The following DOCK1 variants were observed in gnomAD, a reference collection of about 807,000 sequenced individuals.
DOCK1 encodes the protein dedicator of cytokinesis 1, also known as dedicator of cytokinesis protein 1.
DOCK1 carries 138 observed loss-of-function variants against 262.7 expected under a neutral mutation model. The ratio of observed to expected loss-of-function variants is 0.53; its 90% CI spans 0.46 to 0.61. DOCK1 has a LOEUF of 0.61. Among genes scored for constraint, DOCK1 ranks in the 20% least tolerant of loss-of-function variants. The pLI is 0.00. For synonymous variants in DOCK1, 866 were observed against 867.4 expected (o/e 1.00, Z 0.03); for missense variants, 1,908 against 2,370.7 (o/e 0.80, Z 4.05).
At chr10:127,361,701 C>G (rs971437999) in intron 32 of DOCK1, among the ~76,000 whole-genome samples, 1 of 152,168 alleles carries the variant, frequency 6.6e-6, no homozygotes, top group African/African-American at 2.4e-5. Flanking sequence ...CTGAGACCCC[C>G]GACTCGCAGC....
intron 36 of DOCK1, among the ~76,000 whole-genome samples, chr10:127,380,820 T>C (rs1025489248): frequency 2.0e-5 from 3 of 152,256 alleles, no homozygotes; most frequent in Non-Finnish European, 4.4e-5. Flanking sequence ...TTGTTTTTAC[T>C]TCTCCTTTTT....
chr10:126,948,122 GTGGT>G, intron 1 of DOCK1, among the ~76,000 whole-genome samples: 1 of 117,824 alleles, frequency 8.5e-6, no homozygotes, highest in African/African-American at 3.3e-5. Flanking sequence ...GGTGATGGTG[GTGGT>G]TGGTAGTATT....
rs1333635856 is a variant in DOCK1, at chr10:127,000,222, G to A, written c.900G>A (p.Gln300=). 5.0e-6 allele frequency: 8 copies of A among 1,613,950 alleles called. No individual in the cohort carries two copies. The highest frequency in any genetic ancestry group is 6.8e-6 in the Non-Finnish European group (8 of 1,179,912). Residue 300 remains glutamine (Q), a synonymous_variant, in exon 10 of 52, where the codon CAG becomes CAA. Transcript: ENST00000623213. The part of the protein sequence containing the change: ...LKREKISFVC[Q]IVRVGRMELR... Reference sequence around the variant, plus strand: ...GGGAGAAAATCAGTTTTGTCTGTCAGATTGTTCGCGTGGGTCGCATGGAGC... The same window carrying A: ...GGGAGAAAATCAGTTTTGTCTGTCAAATTGTTCGCGTGGGTCGCATGGAGC...
rs768874978 is a variant in DOCK1 at position 127,380,101 on chromosome 10, A to G, written c.3695A>G (p.Glu1232Gly). 1.3e-6 allele frequency: 2 copies of G among 1,521,052 alleles called. No homozygotes were observed. The highest frequency in any genetic ancestry group is 1.8e-6 in the Non-Finnish European group (2 of 1,122,434). 94.2% of individuals were successfully genotyped at this position (1,521,052 alleles called of 1,614,324 possible). A position where few individuals can be genotyped will look rare whatever the true frequency, so the allele number is the denominator to read the frequency against. ...VNVLNFYKEI[E>G]REEMYIRYLY... ...TTTCAGAATTTCTACAAAGAAATTG[A>G]AAGAGAAGAAATGTATATAAGGTAT... The change falls in exon 36 of 52, where the codon GAA becomes GGA. Residue 1232 changes from glutamate to glycine, a missense_variant. Coordinates refer to ENST00000623213, the MANE Select transcript of DOCK1 (RefSeq NM_001290223.2).
intron 1 of DOCK1, among the ~76,000 whole-genome samples, chr10:126,906,516 C>G (rs770595982): frequency 6.6e-6 from 1 of 152,180 alleles, no homozygotes; most frequent in African/African-American, 2.4e-5. Flanking sequence ...TGCTATTCCC[C>G]GTCCCACCAT....
chr10:127,326,407 A>C (rs1385124082), intron 29 of DOCK1, among the ~76,000 whole-genome samples: 2 of 152,246 alleles, frequency 1.3e-5, no homozygotes, highest in African/African-American at 4.8e-5. Context: ...AATCTTCACC[A>C]GGAGTAGATT....
chr10:127,447,009 C>G (rs1026377787), intron 50 of DOCK1, among the ~76,000 whole-genome samples: 1 of 152,114 alleles, frequency 6.6e-6, no homozygotes, highest in Admixed American at 6.5e-5. Context: ...GGCTTGGCTT[C>G]GAAAGCAGTA....
intron 43 of DOCK1, among the ~76,000 whole-genome samples, chr10:127,413,952 C>T (rs998348209): frequency 1.3e-5 from 2 of 151,522 alleles, no homozygotes; most frequent in African/African-American, 4.8e-5. Flanking sequence ...TGCTCTGTTG[C>T]CTAGGCTGAA....
intron 1 of DOCK1, among the ~76,000 whole-genome samples, chr10:126,920,047 TC>T (rs553992196): frequency 6.6e-6 from 1 of 152,002 alleles, no homozygotes; most frequent in South Asian, 2.1e-4. Flanking sequence ...GCCCTAAAAC[TC>T]CCTCCACCCC....
chr10:127,055,121 A>G (rs1046678736), intron 22 of DOCK1, among the ~76,000 whole-genome samples: 2 of 152,162 alleles, frequency 1.3e-5, no homozygotes, highest in African/African-American at 4.8e-5. Flanking sequence ...GCTGCATGTA[A>G]TAGAAAAACA....
At chr10:127,089,943 A>G (rs2047419205) in intron 23 of DOCK1, among the ~76,000 whole-genome samples, 1 of 96,744 alleles carries the variant, frequency 1.0e-5, no homozygotes, top group Admixed American at 9.7e-5. Context: ...TAAAACATTT[A>G]TTAGTTTGGA....
At chr10:127,365,744 G>A (rs1353770414) in intron 33 of DOCK1, among the ~76,000 whole-genome samples, 2 of 152,116 alleles carry the variant, frequency 1.3e-5, no homozygotes, top group African/African-American at 4.8e-5. Flanking sequence ...TTGTCTCATG[G>A]CTGCCTTGTG....
At position 127,103,146 on chromosome 10, in the gene DOCK1, C is replaced by T. The variant is rs550134648; in HGVS notation, c.2446-3085C>T. Among the ~76,000 whole-genome samples, 7 of 152,276 alleles carry T rather than the reference C, an allele frequency of 4.6e-5. No homozygotes were observed. The East Asian group carries it at 1.2e-3, about 25-fold the overall frequency. On this transcript the variant is annotated intron_variant, in intron 23 of 51. Transcript: ENST00000623213. Reference sequence around the variant, plus strand: ...CAGTGGTTGGTGCTTCTTGTTACTGCGTCGAGTTCCATTGTATGAATTCCC... The same window carrying T: ...CAGTGGTTGGTGCTTCTTGTTACTGTGTCGAGTTCCATTGTATGAATTCCC...
intron 37 of DOCK1, 30 bp downstream of exon 37, chr10:127,381,398 T>G (rs1318597418): frequency 6.3e-7 from 1 of 1,577,846 alleles, no homozygotes. Flanking sequence ...ACCTTGATGA[T>G]TCTATTGTTA....
In DOCK1 at chr10:126,990,507, T is replaced by C. The variant is rs771234802; in HGVS notation, c.377T>C (p.Ile126Thr). The C allele has an allele frequency of 1.8e-4, 289 of 1,613,472 alleles. No homozygotes were observed. Among genetic ancestry groups the C allele is most frequent in the Non-Finnish European group, 2.3e-4 (275 of 1,179,750 alleles). Residue 126 changes from isoleucine (I) to threonine (T), a missense_variant, in exon 6 of 52, where the codon ATT becomes ACT. By Grantham distance (89) the Ile-to-Thr change is moderately conservative (BLOSUM62 -1). This residue lies in a region of DOCK1 where 227 missense variants were observed against 254.1 expected (regional missense o/e 0.89). Transcript: ENST00000623213. ...RSVRHMIYDL[I>T]EWRSQILSGT... ...GTGCGGCACATGATCTATGACCTTA[T>C]TGAATGGCGATCACAAATTCTTTCT...
chr10:127,195,280 C>G (rs2057030107), intron 27 of DOCK1, among the ~76,000 whole-genome samples: 1 of 152,168 alleles, frequency 6.6e-6, no homozygotes, highest in Admixed American at 6.5e-5. Flanking sequence ...CTCCCTCCTG[C>G]CCTCGCCCGC....
chr10:127,092,973 T>TA (rs375188153), intron 23 of DOCK1, among the ~76,000 whole-genome samples: 21 of 152,118 alleles, frequency 1.4e-4, no homozygotes, highest in African/African-American at 5.1e-4. Flanking sequence ...ATCAGTGTGT[T>TA]CTCTCATTGT....
At chr10:127,000,573 C>T (rs1416508049) in intron 10 of DOCK1, 1 of 392,868 alleles carries the variant, frequency 2.5e-6, no homozygotes, top group Non-Finnish European at 4.5e-6. Flanking sequence ...TGATCCTGAC[C>T]CATATTCTCA....
chr10:126,981,888 A>C (rs766768860), intron 3 of DOCK1, 30 bp from the exon 4 acceptor site: 17 of 1,601,576 alleles, frequency 1.1e-5, no homozygotes, highest in Non-Finnish European at 1.2e-5. Flanking sequence ...ATTGATAATA[A>C]AAGCTACTGT....
Sources: gnomAD v4.1 joint callset for allele counts (sites outside exome capture counted in the v4.1 genomes callset) on GRCh38, gnomAD v4.1.1 for gene constraint, gnomAD v4.1.1 regional missense constraint, MANE v1.5 for transcripts, NCBI Gene and HGNC (gene_info 2026-07-23, HGNC 2026-07-21) for gene names.